Variants in CHRDL2 observed in about 807,000 individuals in gnomAD.
The protein encoded by CHRDL2 is chordin-like protein 2.
Under a neutral mutation model 54.3 loss-of-function variants are expected in CHRDL2, and 41 were observed. The ratio of observed to expected loss-of-function variants is 0.76; its 90% CI spans 0.59 to 0.98. The LOEUF is 0.98. Ranked by LOEUF, CHRDL2 falls within the 50% of genes least tolerant of loss-of-function variation. The pLI is 0.00. For missense variants in CHRDL2, 518 were observed against 562.4 expected (o/e 0.92, Z 0.80); for synonymous variants, 220 against 224.3 (o/e 0.98, Z 0.17).
At chr11:74,727,404 T>C (rs1185841351) in intron 1 of CHRDL2, among the ~76,000 whole-genome samples, 2 of 151,930 alleles carry the variant, frequency 1.3e-5, no homozygotes, top group Admixed American at 1.3e-4. Context: ...AGAAAAAAAA[T>C]ACATGGATTG....
At chr11:74,716,311 C>G (rs1302454173) in intron 2 of CHRDL2, among the ~76,000 whole-genome samples, 3 of 151,746 alleles carry the variant, frequency 2.0e-5, no homozygotes. Flanking sequence ...CCAAAGAGGG[C>G]AGATCATGAG....
intron 9 of CHRDL2, chr11:74,698,223 C>T (rs1037402583): frequency 7.8e-6 from 1 of 127,804 alleles, no homozygotes; most frequent in South Asian, 2.7e-4. Context: ...GCCACCACAC[C>T]TGGCTAATTT....
chr11:74,703,849 CT>C (rs981480542), intron 7 of CHRDL2, among the ~76,000 whole-genome samples: 1 of 152,222 alleles, frequency 6.6e-6, no homozygotes, highest in East Asian at 1.9e-4. Flanking sequence ...TGGCAGGTCC[CT>C]TTCCCCCCTC....
Position 74,708,400 on chromosome 11 carries a change from C to A in CHRDL2, c.433-5G>T. On this transcript the variant is annotated splice_polypyrimidine_tract_variant and splice_region_variant and intron_variant, in intron 4 of 10. Coordinates refer to ENST00000376332, the MANE Select transcript of CHRDL2 (RefSeq NM_001278473.3). ...GCCGCAGTAGATCTGGCCCTCCTGA[C>A]AGATAGAGCAAACCAGCTGGGAAAT... 6.4e-7 allele frequency: 1 copy of A among 1,563,080 alleles called. No individual in the cohort carries two copies. The highest frequency in any genetic ancestry group is 1.2e-5 in the South Asian group (1 of 84,356).
In CHRDL2 at chr11:74,731,199, G is replaced by C; in HGVS notation, c.-311C>G. On this transcript the variant is annotated 5_prime_UTR_variant, in exon 1 of 11. Transcript: ENST00000376332. The surrounding 1 kb of genome is among the most constrained non-coding windows in gnomAD (Gnocchi z 4.4). The stretch of plus-strand genomic sequence containing the variant: ...GGGGAAGGTGAGAGGGAGAGGAGGA[G>C]AAAGCAGGGAGAGGACCGGCGTCTG... 9 of 273,670 alleles carry C rather than the reference G, an allele frequency of 3.3e-5. No homozygotes were observed. Among genetic ancestry groups the C allele is most frequent in the East Asian group, 7.9e-5 (1 of 12,714 alleles). 17.0% of individuals were successfully genotyped at this position (273,670 alleles called of 1,614,324 possible). A position where few individuals can be genotyped will look rare whatever the true frequency, so the allele number is the denominator to read the frequency against.
intron 2 of CHRDL2, among the ~76,000 whole-genome samples, chr11:74,717,009 G>A (rs2034375671): frequency 6.6e-6 from 1 of 152,272 alleles, no homozygotes; most frequent in South Asian, 2.1e-4. Context: ...TGGGAGGATT[G>A]TCTGAGCCTG....
intron 2 of CHRDL2, among the ~76,000 whole-genome samples, chr11:74,716,667 C>A (rs201954130): frequency 7.0e-6 from 1 of 142,214 alleles, no homozygotes; most frequent in Admixed American, 6.9e-5. Context: ...TTTTTTTTTT[C>A]TTTTCTCTCT....
In CHRDL2 at chr11:74,704,636, A is replaced by G; in HGVS notation, c.601T>C (p.Cys201Arg). ...LHGVRHPQDP[C>R]SSDAGRKRGP... ...CTCTTTCTCCCAGCATCACTGGAAC[A>G]TGGATCCTGAGGATGTCTCTGCAAA... The change falls in exon 7 of 11, where the codon TGT becomes CGT. Residue 201 changes from cysteine (C) to arginine (R), a missense_variant. Cys to Arg is a radical substitution (Grantham distance 180, BLOSUM62 -3). Coordinates refer to ENST00000376332, the MANE Select transcript of CHRDL2 (RefSeq NM_001278473.3). 1 of 1,606,182 alleles carries G rather than the reference A, an allele frequency of 6.2e-7. No individual in the cohort carries two copies. Among genetic ancestry groups the G allele is most frequent in the Non-Finnish European group, 8.5e-7 (1 of 1,176,572 alleles).
intron 1 of CHRDL2, among the ~76,000 whole-genome samples, chr11:74,729,682 A>C (rs376712439): frequency 9.4e-4 from 143 of 152,308 alleles, no homozygotes; most frequent in African/African-American, 3.1e-3. Flanking sequence ...TGGGGAGAGG[A>C]AAGAGCACCA....
At position 74,718,717 on chromosome 11, in the gene CHRDL2, T is replaced by C; in HGVS notation, c.195+3A>G. ...AGGTGGTCAGGTGGCCAGAGGAACC[T>C]ACCTCTGAGCAGGTACAGCGCAGGC... On this transcript the variant is annotated splice_donor_region_variant and intron_variant, in intron 2 of 10. Transcript: ENST00000376332. The C allele has an allele frequency of 6.2e-7, 1 of 1,606,514 alleles. No individual in the cohort carries two copies.
intron 1 of CHRDL2, among the ~76,000 whole-genome samples, chr11:74,723,923 G>A (rs970008003): frequency 3.9e-5 from 6 of 152,152 alleles, no homozygotes; most frequent in Admixed American, 3.9e-4. Flanking sequence ...CATGAATACT[G>A]GGGGACTGCT....
Position 74,704,539 on chromosome 11 carries a change from T to C in CHRDL2, c.698A>G (p.Lys233Arg), listed in dbSNP as rs2033938380. The C allele has an allele frequency of 6.3e-7, 1 of 1,583,354 alleles. No homozygotes were observed. Among genetic ancestry groups the C allele is most frequent in the Non-Finnish European group, 8.6e-7 (1 of 1,168,636 alleles). ...LSFIPRHFRP[K>R]GAGSTTVKIV... ...CTTGACAGTTGTGCTGCCTGCTCCC[T>C]TGGGTCTGAAGTGGCGAGGGATGAA... Residue 233 changes from lysine (K) to arginine (R), a missense_variant, in exon 7 of 11, where the codon AAG becomes AGG. Coordinates refer to ENST00000376332, the MANE Select transcript of CHRDL2 (RefSeq NM_001278473.3).
chr11:74,704,242 A>G (rs2033926816), intron 7 of CHRDL2, among the ~76,000 whole-genome samples: 1 of 152,240 alleles, frequency 6.6e-6, no homozygotes, highest in Non-Finnish European at 1.5e-5. Context: ...CTGTTCCAGA[A>G]CTAGTTGTCT....
chr11:74,720,706 G>A (rs1335579788), intron 1 of CHRDL2, among the ~76,000 whole-genome samples: 1 of 152,250 alleles, frequency 6.6e-6, no homozygotes, highest in Non-Finnish European at 1.5e-5. Flanking sequence ...ATTGAAAGCA[G>A]TAATGAGTTG....
At chr11:74,716,232 T>G (rs1159175141) in intron 2 of CHRDL2, among the ~76,000 whole-genome samples, 1 of 151,676 alleles carries the variant, frequency 6.6e-6, no homozygotes, top group Non-Finnish European at 1.5e-5. Context: ...AGTGAGCAGG[T>G]ATGAAATGAA....
Position 74,704,638 on chromosome 11 carries a change from G to A in CHRDL2, c.599C>T (p.Pro200Leu). ...CTTTCTCCCAGCATCACTGGAACAT[G>A]GATCCTGAGGATGTCTCTGCAAATG... Reference protein sequence around the residue: ...SLHGVRHPQDPCSSDAGRKRG... With the variant: ...SLHGVRHPQDLCSSDAGRKRG... The change falls in exon 7 of 11, where the codon CCA becomes CTA. Residue 200 changes from proline (P) to leucine (L), a missense_variant. Transcript: ENST00000376332. 1 of 1,606,040 alleles carries A rather than the reference G, an allele frequency of 6.2e-7. No homozygotes were observed. Among genetic ancestry groups the A allele is most frequent in the South Asian group, 1.1e-5 (1 of 89,074 alleles).
At chr11:74,698,721 A>ACACACC (rs1491382541) in intron 9 of CHRDL2, 44 of 81,852 alleles carry the variant, frequency 5.4e-4, no homozygotes, top group African/African-American at 7.4e-4. Context: ...ACACACACAC[A>ACACACC]CCCCACATAC....
Position 74,710,839 on chromosome 11 carries a change from G to C in CHRDL2, c.432+10C>G. ...CTGGCCTGTGCTGAAGGGAAGGCAG[G>C]AGTTCTTACTGTGCAGCTGCAGAGG... On this transcript the variant is annotated intron_variant, in intron 4 of 10. Transcript: ENST00000376332. 1 of 1,613,864 alleles carries C rather than the reference G, an allele frequency of 6.2e-7. No individual in the cohort carries two copies. Among genetic ancestry groups the C allele is most frequent in the Non-Finnish European group, 8.5e-7 (1 of 1,179,878 alleles).
At chr11:74,713,542 C>G (rs1591362368) in intron 2 of CHRDL2, 63 bp from the exon 3 acceptor site, 6 of 1,359,152 alleles carry the variant, frequency 4.4e-6, no homozygotes, top group South Asian at 3.7e-5. Context: ...TGTACCTGTC[C>G]TTTCCCAAAA....
Sources: gnomAD v4.1 joint callset for allele counts (sites outside exome capture counted in the v4.1 genomes callset) on GRCh38, gnomAD v4.1.1 for gene constraint, Gnocchi (gnomAD v3.1) non-coding constraint, MANE v1.5 for transcripts, NCBI Gene and HGNC (gene_info 2026-07-23, HGNC 2026-07-21) for gene names.